Variants in CCDC91 observed in about 807,000 individuals in gnomAD.
CCDC91 encodes coiled-coil domain containing 91.
Under a neutral mutation model 63.2 loss-of-function variants are expected in CCDC91, and 48 were observed. The ratio of observed to expected loss-of-function variants is 0.76; its 90% confidence interval spans 0.60 to 0.97. CCDC91 has a LOEUF of 0.97. Among genes scored for constraint, CCDC91 ranks in the 50% least tolerant of loss-of-function variants. The pLI, the probability that CCDC91 is intolerant of heterozygous loss-of-function variation, is 0.00. For missense variants in CCDC91, 500 were observed against 494.6 expected (o/e 1.01, Z -0.10); for synonymous variants, 167 against 165.8 (o/e 1.01, Z -0.06).
chr12:28,532,541 T>C (rs905190665), intron 12 of CCDC91, among the ~76,000 whole-genome samples: 2 of 152,056 alleles, frequency 1.3e-5, no homozygotes, highest in African/African-American at 4.8e-5. Context: ...GAGGGATGAA[T>C]ACAAAAGTTT....
chr12:28,493,191 GA>G (rs1952103383), intron 12 of CCDC91, among the ~76,000 whole-genome samples: 1 of 151,628 alleles, frequency 6.6e-6, no homozygotes, highest in Non-Finnish European at 1.5e-5. Flanking sequence ...GAGAGTCAGT[GA>G]TATTAGATAA....
At chr12:28,220,828 A>G (rs1565629838) in intron 1 of CCDC91, among the ~76,000 whole-genome samples, 1 of 152,028 alleles carries the variant, frequency 6.6e-6, no homozygotes, top group Non-Finnish European at 1.5e-5. Context: ...GTTCTTTTGT[A>G]TATAATGTGT....
chr12:28,361,683 T>A (rs1454357393), intron 6 of CCDC91, among the ~76,000 whole-genome samples: 1 of 152,032 alleles, frequency 6.6e-6, no homozygotes, highest in African/African-American at 2.4e-5. Context: ...GATCTAGAAT[T>A]TCTATTTTAT....
In CCDC91 at chr12:28,549,126, A is replaced by G. The variant is rs1275689794; in HGVS notation, c.1279A>G (p.Lys427Glu). ...GGAACTGTTCCTCTCCTGTGCACAG[A>G]AACAGTTAAGTGCTTTAATAGCTAC... ...SLELFLSCAQ[K>E]QLSALIATEP... The change falls in exon 13 of 13, where the codon AAA becomes GAA. Residue 427 changes from lysine (K) to glutamate (E), a missense_variant. Physicochemically the swap from Lys to Glu is moderately conservative, Grantham distance 56. Transcript: ENST00000536442. 2 of 1,612,800 alleles carry G rather than the reference A, an allele frequency of 1.2e-6. No homozygotes were observed. The highest frequency in any genetic ancestry group is 8.5e-7 in the Non-Finnish European group (1 of 1,179,150).
intron 1 of CCDC91, among the ~76,000 whole-genome samples, chr12:28,202,958 A>G (rs746823614): frequency 6.6e-6 from 1 of 152,204 alleles, no homozygotes; most frequent in Non-Finnish European, 1.5e-5. Flanking sequence ...TTGGCACTGG[A>G]CAAGCTCTTA....
In CCDC91 at chr12:28,306,853, G is replaced by A. The variant is rs1396625177; in HGVS notation, c.379G>A (p.Ala127Thr). ...TGTGGATGATTCTGAGGATCCTGGAGCCAATGTATCTAACATACAGCTTCA... is the reference window on the plus strand; with the variant it reads ...TGTGGATGATTCTGAGGATCCTGGAACCAATGTATCTAACATACAGCTTCA... ...ALVDDSEDPG[A>T]NVSNIQLQQK... Residue 127 changes from alanine (A) to threonine (T), a missense_variant, in exon 5 of 13, where the codon GCC (alanine) becomes ACC (threonine). Physicochemically the swap from Ala to Thr is moderately conservative, Grantham distance 58 (BLOSUM62 0). Coordinates refer to ENST00000536442, the MANE Select transcript of CCDC91 (RefSeq NM_018318.5). 3.5e-5 allele frequency: 56 copies of A among 1,612,094 alleles called. No homozygotes were observed. The highest frequency in any genetic ancestry group is 4.5e-5 in the Non-Finnish European group (53 of 1,178,738).
chr12:28,422,595 A>G (rs1397558993), intron 8 of CCDC91, among the ~76,000 whole-genome samples: 1 of 152,074 alleles, frequency 6.6e-6, no homozygotes, highest in East Asian at 1.9e-4. Flanking sequence ...TCCCAAATGT[A>G]TATAGTTATA....
chr12:28,531,759 A>G (rs2141629707), intron 12 of CCDC91, among the ~76,000 whole-genome samples: 1 of 152,302 alleles, frequency 6.6e-6, no homozygotes, highest in East Asian at 1.9e-4. Flanking sequence ...TTCAGCAAAC[A>G]TTTAGTCAGC....
chr12:28,520,174 T>C (rs924035574), intron 12 of CCDC91, among the ~76,000 whole-genome samples: 7 of 152,222 alleles, frequency 4.6e-5, no homozygotes, highest in Non-Finnish European at 1.0e-4. Flanking sequence ...TGAACTAGTT[T>C]ACAGTCCCAC....
At chr12:28,239,789 CT>C (rs1459162948) in intron 1 of CCDC91, among the ~76,000 whole-genome samples, 1 of 151,952 alleles carries the variant, frequency 6.6e-6, no homozygotes, top group Non-Finnish European at 1.5e-5. Context: ...TGAAAAAGAA[CT>C]TATAATTGCA....
At chr12:28,482,292 TTTTC>T (rs1486382414) in intron 11 of CCDC91, among the ~76,000 whole-genome samples, 2 of 151,936 alleles carry the variant, frequency 1.3e-5, no homozygotes, top group Non-Finnish European at 2.9e-5. Context: ...ATTCTTATGT[TTTTC>T]TTTTATAAAT....
intron 1 of CCDC91, among the ~76,000 whole-genome samples, chr12:28,248,123 G>C (rs1465210508): frequency 6.6e-5 from 10 of 152,258 alleles, no homozygotes; most frequent in Non-Finnish European, 1.5e-4. Flanking sequence ...TGGGGTGAGA[G>C]AGAGAAGTAT....
chr12:28,462,962 T>C (rs978650830), intron 11 of CCDC91, among the ~76,000 whole-genome samples: 1 of 152,020 alleles, frequency 6.6e-6, no homozygotes, highest in African/African-American at 2.4e-5. Context: ...AGGAGAAGGA[T>C]GAAGAGAAAT....
At chr12:28,287,617 T>C (rs1272089939) in intron 3 of CCDC91, among the ~76,000 whole-genome samples, 3 of 152,168 alleles carry the variant, frequency 2.0e-5, no homozygotes, top group African/African-American at 7.2e-5. Context: ...GTAGTCCTCC[T>C]GTAGTACAAT....
At chr12:28,515,392 G>C (rs1939836142) in intron 12 of CCDC91, among the ~76,000 whole-genome samples, 1 of 151,728 alleles carries the variant, frequency 6.6e-6, no homozygotes, top group Admixed American at 6.6e-5. Context: ...TTGTAAAATG[G>C]CCTCAAGAGA....
chr12:28,412,870 C>T (rs756527590), intron 8 of CCDC91: 1 of 440,010 alleles, frequency 2.3e-6, no homozygotes, highest in Admixed American at 2.4e-5. Flanking sequence ...CAGGAAAGTT[C>T]CCCAACTCCC....
chr12:28,344,474 TA>T (rs902591599), intron 6 of CCDC91, among the ~76,000 whole-genome samples: 1 of 152,158 alleles, frequency 6.6e-6, no homozygotes, highest in African/African-American at 2.4e-5. Flanking sequence ...GAAAAAGATT[TA>T]TTTCATATGT....
chr12:28,279,588 T>A (rs1025449385), intron 3 of CCDC91, among the ~76,000 whole-genome samples: 2 of 152,174 alleles, frequency 1.3e-5, no homozygotes, highest in Non-Finnish European at 2.9e-5. Flanking sequence ...GGAAAGCTGC[T>A]GATCCCACTC....
chr12:28,254,789 T>TC (rs1946336339), intron 1 of CCDC91, among the ~76,000 whole-genome samples: 1 of 151,166 alleles, frequency 6.6e-6, no homozygotes, highest in Non-Finnish European at 1.5e-5. Flanking sequence ...TTTTTTTTTT[T>TC]TGATGGAGTT....
Sources: gnomAD v4.1 joint callset for allele counts (sites outside exome capture counted in the v4.1 genomes callset) on GRCh38, gnomAD v4.1.1 for gene constraint, MANE v1.5 for transcripts, NCBI Gene and HGNC (gene_info 2026-07-23, HGNC 2026-07-21) for gene names.